Variants in GCFC2 observed in about 807,000 individuals in gnomAD.
GCFC2 encodes the protein intron Large complex component GCFC2.
In GCFC2, 102 loss-of-function variants were observed where a neutral mutation model predicts 99.4. That is an observed-to-expected ratio of 1.03 (90% CI 0.87 to 1.21). The LOEUF is 1.21. GCFC2 is among the 50% of genes most tolerant of loss of function. The pLI is 0.00. For synonymous variants in GCFC2, 338 were observed against 316.8 expected, an observed-to-expected ratio of 1.07 and a Z score of -0.71; for missense variants, 973 against 920.9, an observed-to-expected ratio of 1.06 and a Z score of -0.73.
At chr2:75,703,253 A>C (rs1216096495) in intron 2 of GCFC2, among the ~76,000 whole-genome samples, 1 of 152,204 alleles carries the variant, frequency 6.6e-6, no homozygotes, top group Non-Finnish European at 1.5e-5. Flanking sequence ...AATTTTCACC[A>C]TTTTAAGCAC....
intron 6 of GCFC2, among the ~76,000 whole-genome samples, chr2:75,692,329 T>C (rs556682083): frequency 1.1e-3 from 165 of 151,686 alleles, no homozygotes; most frequent in Non-Finnish European, 2.1e-3. Context: ...CTTAGTCTAC[T>C]GGAACTGTTA....
At chr2:75,711,069 A>G (rs1280375728), upstream of GCFC2, 3 of 1,308,912 alleles carry the variant, frequency 2.3e-6, no homozygotes, top group Non-Finnish European at 2.9e-6. Context: ...CTGAGTTTGC[A>G]AAGCATTCCC....
chr2:75,668,873 C>G (rs77423696), intron 15 of GCFC2, among the ~76,000 whole-genome samples: 1,873 of 152,228 alleles, frequency 0.012, 41 homozygotes, highest in African/African-American at 0.043. Flanking sequence ...AGCTGTATCC[C>G]TCCTTCCCCC....
chr2:75,700,515 T>C (rs1302013261), intron 4 of GCFC2, among the ~76,000 whole-genome samples: 1 of 152,060 alleles, frequency 6.6e-6, no homozygotes, highest in Non-Finnish European at 1.5e-5. Flanking sequence ...TATTGTGAAG[T>C]GAAAAAAACA....
At chr2:75,698,350 G>A (rs1347973251) in intron 4 of GCFC2, among the ~76,000 whole-genome samples, 1 of 152,110 alleles carries the variant, frequency 6.6e-6, no homozygotes, top group Non-Finnish European at 1.5e-5. Context: ...CAAAAGAAAG[G>A]AGAGGAGGAA....
intron 4 of GCFC2, chr2:75,697,637 T>A (rs1183188962): frequency 6.6e-6 from 1 of 152,246 alleles, no homozygotes; most frequent in Non-Finnish European, 1.5e-5. Context: ...AGCAGGCTAA[T>A]GGTGACCCCA....
chr2:75,708,694 A>G (rs1188804215), intron 1 of GCFC2, among the ~76,000 whole-genome samples: 1 of 151,742 alleles, frequency 6.6e-6, no homozygotes, highest in Non-Finnish European at 1.5e-5. Flanking sequence ...TATTTTTAGT[A>G]GAGATGGGGT....
At chr2:75,698,065 T>G (rs1238077355) in intron 4 of GCFC2, 2 of 152,200 alleles carry the variant, frequency 1.3e-5, no homozygotes, top group Non-Finnish European at 2.9e-5. Flanking sequence ...TGGTAGATTT[T>G]CAATAAAGGA....
intron 12 of GCFC2, 22 bp from the exon 13 acceptor site, chr2:75,673,542 G>T: frequency 1.0e-6 from 1 of 979,272 alleles, no homozygotes; most frequent in Non-Finnish European, 1.6e-6. Flanking sequence ...AATTTGAAAA[G>T]CATCAGTGAT....
intron 1 of GCFC2, among the ~76,000 whole-genome samples, chr2:75,709,180 T>C (rs1195822612): frequency 1.3e-5 from 2 of 152,218 alleles, no homozygotes; most frequent in East Asian, 3.8e-4. Context: ...TAAATATTGA[T>C]AGGTATAACC....
intron 3 of GCFC2, 184 bp downstream of exon 3, chr2:75,702,015 T>C: frequency 7.1e-7 from 1 of 1,401,980 alleles, no homozygotes; most frequent in South Asian, 1.7e-5. Flanking sequence ...ACATACTCCT[T>C]GATAATAACA....
intron 15 of GCFC2, among the ~76,000 whole-genome samples, chr2:75,668,903 C>T (rs1180991054): frequency 6.6e-6 from 1 of 152,154 alleles, no homozygotes; most frequent in Non-Finnish European, 1.5e-5. Context: ...GACTGTTTTC[C>T]AGAACCACTG....
At chr2:75,670,424 A>G in intron 14 of GCFC2, 140 bp from the exon 15 acceptor site, 1 of 542,644 alleles carries the variant, frequency 1.8e-6, no homozygotes, top group Non-Finnish European at 3.3e-6. Context: ...AGAATACAAT[A>G]TCTCTGAATA....
chr2:75,698,404 T>C (rs888124688), intron 4 of GCFC2, among the ~76,000 whole-genome samples: 1 of 152,114 alleles, frequency 6.6e-6, no homozygotes, highest in Non-Finnish European at 1.5e-5. Context: ...ATTAAAAAAA[T>C]CAGATTGCAA....
In GCFC2 at chr2:75,681,767, G is replaced by A. The variant is rs77599605; in HGVS notation, c.1691-1453C>T. Among the ~76,000 whole-genome samples, 1,057 of 151,930 alleles carry A rather than the reference G, an allele frequency of 7.0e-3. 32 individuals are homozygous for A. The highest frequency in any genetic ancestry group is 0.019 in the African/African-American group (781 of 41,228). On this transcript the variant is annotated intron_variant, in intron 11 of 16. Transcript: ENST00000321027. The stretch of plus-strand genomic sequence containing the variant: ...GCTTCAGCTTGGTAGGCGGAGGGGT[G>A]TCCGCCACTGCTGAGGCTTCAGTAG...
At chr2:75,672,110 C>T (rs1163222869) in intron 13 of GCFC2, 94 bp from the exon 14 acceptor site, 1 of 457,448 alleles carries the variant, frequency 2.2e-6, no homozygotes, top group Non-Finnish European at 4.2e-6. Context: ...TTAAACCAAC[C>T]AAACTAAGCC....
intron 15 of GCFC2, among the ~76,000 whole-genome samples, chr2:75,666,929 A>G (rs2104183442): frequency 6.6e-6 from 1 of 152,232 alleles, no homozygotes; most frequent in East Asian, 1.9e-4. Context: ...TAGTGCTTGT[A>G]TATATTTAAA....
intron 15 of GCFC2, 23 bp downstream of exon 15, chr2:75,670,115 A>G (rs1408779760): frequency 2.7e-6 from 4 of 1,503,654 alleles, no homozygotes; most frequent in Admixed American, 2.0e-5. Context: ...TAAAATTAGA[A>G]TCAGTCTTCC....
intron 5 of GCFC2, 82 bp from the exon 6 acceptor site, chr2:75,694,509 C>T (rs963556595): frequency 6.0e-6 from 3 of 499,282 alleles, no homozygotes; most frequent in African/African-American, 2.0e-5. Context: ...TCAAAGACCA[C>T]CAAGGAAACT....
Sources: allele counts gnomAD v4.1 joint callset (sites outside exome capture counted in the v4.1 genomes callset), GRCh38; gene constraint gnomAD v4.1.1; transcripts MANE v1.5; gene names NCBI Gene and HGNC (gene_info 2026-07-23, HGNC 2026-07-21).